The following FGF14 variants were observed in gnomAD, a reference collection of about 807,000 sequenced individuals.
FGF14 encodes fibroblast growth factor 14, also known as fibroblast growth factor homologous factor 4.
In FGF14, 5 loss-of-function variants were observed where a neutral mutation model predicts 25.5. That is an observed-to-expected ratio of 0.20 (90% CI 0.10 to 0.41). The LOEUF (loss-of-function observed/expected upper bound fraction) is 0.41, where lower values mean the gene tolerates loss of function less well. Among genes scored for constraint, FGF14 ranks in the 10% least tolerant of loss-of-function variants. FGF14 has a pLI of 1.00. For missense variants in FGF14, 222 were observed against 320.1 expected, an observed-to-expected ratio of 0.69 and a Z score of 2.34; for synonymous variants, 138 against 118.3, an observed-to-expected ratio of 1.17 and a Z score of -1.08.
At chr13:102,259,739 TATAG>T (rs1169969239) in intron 1 of FGF14, among the ~76,000 whole-genome samples, 1 of 152,154 alleles carries the variant, frequency 6.6e-6, no homozygotes, top group Non-Finnish European at 1.5e-5. Flanking sequence ...GAAGCAGAGT[TATAG>T]ATAAAGATAA....
chr13:102,358,016 C>T (rs527450492), intron 1 of FGF14, among the ~76,000 whole-genome samples: 6 of 152,160 alleles, frequency 3.9e-5, no homozygotes, highest in African/African-American at 1.4e-4. Context: ...CTATTTTGAC[C>T]AGAGTTATTT....
intron 1 of FGF14, among the ~76,000 whole-genome samples, chr13:102,175,051 C>T (rs554354434): frequency 1.3e-5 from 2 of 152,126 alleles, no homozygotes; most frequent in Non-Finnish European, 1.5e-5. Flanking sequence ...AGATTCAACA[C>T]GATTTTTATC....
chr13:101,761,282 C>A (rs1289255524), intron 3 of FGF14, among the ~76,000 whole-genome samples: 2 of 152,188 alleles, frequency 1.3e-5, no homozygotes, highest in Non-Finnish European at 2.9e-5. Flanking sequence ...AACTTATATA[C>A]TGCCTAAAAA....
At chr13:102,318,891 C>T (rs1418936257) in intron 1 of FGF14, among the ~76,000 whole-genome samples, 1 of 152,154 alleles carries the variant, frequency 6.6e-6, no homozygotes, top group Non-Finnish European at 1.5e-5. Context: ...GTACTCAATA[C>T]ACATGTGAGT....
intron 1 of FGF14, among the ~76,000 whole-genome samples, chr13:101,901,803 A>G (rs79802241): frequency 0.012 from 1,753 of 152,282 alleles, 36 homozygotes; most frequent in African/African-American, 0.039. Context: ...TACTACTACC[A>G]TAGATTATAT....
At chr13:102,090,827 G>T (rs1405487303) in intron 1 of FGF14, among the ~76,000 whole-genome samples, 1 of 152,182 alleles carries the variant, frequency 6.6e-6, no homozygotes, top group Non-Finnish European at 1.5e-5. Context: ...GATCCTTTGT[G>T]TTTACAAGCC....
At chr13:101,974,258 A>C (rs72662472) in intron 1 of FGF14, among the ~76,000 whole-genome samples, 28,249 of 151,900 alleles carry the variant, frequency 0.19, 3,480 homozygotes, top group Non-Finnish European at 0.28. Context: ...CTTTGCATGA[A>C]CTCTCAGAGC....
chr13:101,916,794 C>A lies in FGF14; in HGVS notation c.-149G>T. The A allele has an allele frequency of 2.9e-6, 2 of 683,020 alleles. No individual in the cohort carries two copies. Among genetic ancestry groups the A allele is most frequent in the Non-Finnish European group, 4.7e-6 (2 of 423,152 alleles). 42.3% of individuals were successfully genotyped at this position (683,020 alleles called of 1,614,324 possible). A position where few individuals can be genotyped will look rare whatever the true frequency, so the allele number is the denominator to read the frequency against. ...GGGACTGGGGAGAGGGGAAGGGGGG[C>A]TCAGTCCTGACCGGGACCCATCGCC... On this transcript the variant is annotated 5_prime_UTR_variant, in exon 1 of 5. Coordinates refer to ENST00000376143, the MANE Select transcript of FGF14 (RefSeq NM_004115.4).
intron 1 of FGF14, among the ~76,000 whole-genome samples, chr13:102,336,735 T>A (rs1399037895): frequency 6.6e-6 from 1 of 152,174 alleles, no homozygotes; most frequent in Non-Finnish European, 1.5e-5. Flanking sequence ...GACTCTGTTG[T>A]TAGGGACTAA....
At chr13:101,984,402 ACT>A (rs2038445072) in intron 1 of FGF14, among the ~76,000 whole-genome samples, 1 of 151,966 alleles carries the variant, frequency 6.6e-6, no homozygotes, top group Non-Finnish European at 1.5e-5. Flanking sequence ...TATTTTTTAA[ACT>A]CTCTTTAAAA....
At chr13:102,084,902 C>G (rs910990653) in intron 1 of FGF14, among the ~76,000 whole-genome samples, 1 of 152,108 alleles carries the variant, frequency 6.6e-6, no homozygotes, top group Non-Finnish European at 1.5e-5. Context: ...CTCCCCAAAC[C>G]CTTATTAATA....
At chr13:102,001,239 C>A (rs2039479278) in intron 1 of FGF14, among the ~76,000 whole-genome samples, 1 of 152,088 alleles carries the variant, frequency 6.6e-6, no homozygotes, top group South Asian at 2.1e-4. Flanking sequence ...AAAGGACACA[C>A]TAAAAACATT....
At chr13:102,349,658 TA>T (rs1196884554) in intron 1 of FGF14, among the ~76,000 whole-genome samples, 9 of 152,298 alleles carry the variant, frequency 5.9e-5, no homozygotes, top group African/African-American at 9.6e-5. Flanking sequence ...AATAGAAACT[TA>T]AAAGTCAGAA....
Position 102,080,720 on chromosome 13 carries a change from A to G in FGF14, c.209-205424T>C, listed in dbSNP as rs148375479. 3.3e-3 allele frequency among the ~76,000 whole-genome samples: 507 copies of G among 152,366 alleles called. 4 individuals are homozygous for G. The highest frequency in any genetic ancestry group is 0.012 in the African/African-American group (480 of 41,590). ...TTTCTCCCTCCAGAACTAATTGTCA[A>G]TGTAGACAGCAGAATGAGGATTAGC... On this transcript the variant is annotated intron_variant, in intron 1 of 4. Coordinates refer to the FGF14 transcript ENST00000376131.
chr13:102,031,531 T>C (rs974234620), intron 1 of FGF14, among the ~76,000 whole-genome samples: 42 of 152,092 alleles, frequency 2.8e-4, no homozygotes, highest in African/African-American at 9.9e-4. Flanking sequence ...TAGTTAAATT[T>C]GAAACATTCC....
chr13:101,965,255 A>AC (rs2037117590), intron 1 of FGF14, among the ~76,000 whole-genome samples: 1 of 147,252 alleles, frequency 6.8e-6, no homozygotes, highest in Admixed American at 7.3e-5. Flanking sequence ...TAAAAAAAAA[A>AC]AAAAAACCTC....
At chr13:101,846,307 T>A (rs2043456685) in intron 3 of FGF14, among the ~76,000 whole-genome samples, 1 of 151,898 alleles carries the variant, frequency 6.6e-6, no homozygotes, top group East Asian at 1.9e-4. Context: ...ACTCCATCTT[T>A]TTTTAAAAAA....
chr13:101,835,538 T>C (rs2042882537), intron 3 of FGF14, among the ~76,000 whole-genome samples: 1 of 152,080 alleles, frequency 6.6e-6, no homozygotes, highest in African/African-American at 2.4e-5. Context: ...TATGACTTTT[T>C]TTGATATGAT....
intron 3 of FGF14, among the ~76,000 whole-genome samples, chr13:101,848,188 T>C (rs2043563845): frequency 6.6e-6 from 1 of 152,046 alleles, no homozygotes; most frequent in Non-Finnish European, 1.5e-5. Flanking sequence ...TATGCATAAA[T>C]TTATATTATG....
Sources: allele counts gnomAD v4.1 joint callset (sites outside exome capture counted in the v4.1 genomes callset), GRCh38; gene constraint gnomAD v4.1.1; transcripts MANE v1.5; gene names NCBI Gene and HGNC (gene_info 2026-07-23, HGNC 2026-07-21).